The following PCSK7 variants were observed in gnomAD, a reference collection of about 807,000 sequenced individuals.
The protein encoded by PCSK7 is lymphoma proprotein convertase.
Under a neutral mutation model 73.3 loss-of-function variants are expected in PCSK7, and 38 were observed. That is an observed-to-expected ratio of 0.52 (90% confidence interval 0.40 to 0.68). The LOEUF (loss-of-function observed/expected upper bound fraction) is 0.68. Among genes scored for constraint, PCSK7 ranks in the 30% least tolerant of loss-of-function variants. The pLI, the probability that PCSK7 is intolerant of heterozygous loss-of-function variation, is 0.00. For synonymous variants in PCSK7, 296 were observed against 383.8 expected (o/e 0.77, Z 2.68); for missense variants, 692 against 991.5 (o/e 0.70, Z 4.06).
rs2031338210 is a variant in PCSK7, at chr11:117,205,831, T to C, written c.*166A>G. 1.7e-6 allele frequency: 1 copy of C among 589,670 alleles called. No homozygotes were observed. Among genetic ancestry groups the C allele is most frequent in the East Asian group, 3.1e-5 (1 of 32,044 alleles). The allele number at this position is 589,670 out of a possible 1,614,324, so 36.5% of individuals were successfully genotyped here. ...GACCCTGTGGCTCTGACCAGACTTC[T>C]CTGGCAGCAATCCTCCACCATTTGT... On this transcript the variant is annotated 3_prime_UTR_variant, in exon 17 of 17. Coordinates refer to ENST00000320934, the MANE Select transcript of PCSK7 (RefSeq NM_004716.4).
At position 117,224,129 on chromosome 11, in the gene PCSK7, C is replaced by T. The variant is rs199538186; in HGVS notation, c.1003G>A (p.Asp335Asn). 14 of 1,614,136 alleles carry T rather than the reference C, an allele frequency of 8.7e-6. No individual in the cohort carries two copies. The highest frequency in any genetic ancestry group is 1.2e-5 in the Non-Finnish European group (14 of 1,179,996). ...GCGTAGCCATCGTAGTTGCAGTTGT[C>T]GTTGTGTTGGCCTCCGTTGCCACTG... is the stretch of plus-strand genomic sequence containing the variant. ...VASGNGGQHNDNCNYDGYANS... is the reference protein window; with the variant it reads ...VASGNGGQHNNNCNYDGYANS... The change falls in exon 8 of 17, where the codon GAC (aspartate) becomes AAC (asparagine). Residue 335 changes from aspartate (D) to asparagine (N), a missense_variant. Asp to Asn is a conservative substitution (Grantham distance 23, BLOSUM62 1). Coordinates refer to ENST00000320934, the MANE Select transcript of PCSK7 (RefSeq NM_004716.4).
At chr11:117,227,644 T>C (rs1326152805) in intron 4 of PCSK7, among the ~76,000 whole-genome samples, 1 of 152,196 alleles carries the variant, frequency 6.6e-6, no homozygotes, top group Non-Finnish European at 1.5e-5. Flanking sequence ...GGTTTCACCA[T>C]CTTGGCCAGG....
Position 117,225,686 on chromosome 11 carries a change from A to G in PCSK7, c.860+245T>C, listed in dbSNP as rs537429982. ...TCTTGCAGAGGCCTTAGGAGTTTAG[A>G]AAACAAATAAATGTGCACAGGCCAG... On this transcript the variant is annotated intron_variant, in intron 6 of 16. Coordinates refer to ENST00000320934, the MANE Select transcript of PCSK7 (RefSeq NM_004716.4). The G allele has an allele frequency of 2.8e-4, 153 of 546,050 alleles. 2 individuals carry two copies. The highest frequency in any genetic ancestry group is 1.3e-3 in the South Asian group (55 of 41,718). The allele number at this position is 546,050 out of a possible 1,614,324, so 33.8% of individuals were successfully genotyped here. A position where few individuals can be genotyped will look rare whatever the true frequency, so the allele number is the denominator to read the frequency against.
chr11:117,215,394 A>AC (rs1230959036), intron 12 of PCSK7: 16 of 61,202 alleles, frequency 2.6e-4, no homozygotes, highest in African/African-American at 1.1e-3. Context: ...ATATATATAT[A>AC]TATATATATA....
chr11:117,222,974 T>A (rs998090990), intron 9 of PCSK7: 2 of 516,618 alleles, frequency 3.9e-6, no homozygotes, highest in African/African-American at 3.8e-5. Flanking sequence ...TCTAAAAATA[T>A]GTATATTCGT....
chr11:117,221,325 T>C (rs1190868264), intron 9 of PCSK7: 1 of 152,266 alleles, frequency 6.6e-6, no homozygotes, highest in Non-Finnish European at 1.5e-5. Flanking sequence ...GCCTGGTTTA[T>C]GCAAGGGAGC....
intron 2 of PCSK7, chr11:117,230,112 C>T (rs185463206): frequency 1.9e-5 from 8 of 419,430 alleles, no homozygotes; most frequent in Non-Finnish European, 3.0e-5. Context: ...CCTCACGACA[C>T]CAGCTAATCC....
At chr11:117,229,332 T>C in intron 3 of PCSK7, 45 bp downstream of exon 3, 2 of 1,446,168 alleles carry the variant, frequency 1.4e-6, no homozygotes, top group Non-Finnish European at 1.9e-6. Flanking sequence ...AGAACTGGAC[T>C]GGAACCTACC....
chr11:117,228,309 A>T lies in PCSK7; in HGVS notation c.510T>A (p.Gly170=). The T allele has an allele frequency of 3.1e-6, 5 of 1,613,820 alleles. No individual in the cohort carries two copies. The highest frequency in any genetic ancestry group is 4.2e-6 in the Non-Finnish European group (5 of 1,179,862). The stretch of plus-strand genomic sequence containing the variant: ...GCCCAGTCACATTGCGTTCCCACAC[A>T]CCCGTCACGTTGATGTCCCTGCCCG... ...RSPGRDINVT[G]VWERNVTGRG... Residue 170 remains glycine, a synonymous_variant, in exon 4 of 17, where the codon GGT becomes GGA. Coordinates refer to ENST00000320934, the MANE Select transcript of PCSK7 (RefSeq NM_004716.4).
chr11:117,225,432 T>C (rs1471831454), intron 6 of PCSK7: 2 of 161,448 alleles, frequency 1.2e-5, no homozygotes, highest in Non-Finnish European at 2.7e-5. Flanking sequence ...GTTGAGGAGT[T>C]CTCTATTCTG....
chr11:117,229,387 T>G lies in PCSK7; in HGVS notation c.458A>C (p.Gln153Pro). 6.2e-7 allele frequency: 1 copy of G among 1,605,172 alleles called. No individual in the cohort carries two copies. The highest frequency in any genetic ancestry group is 8.5e-7 in the Non-Finnish European group (1 of 1,179,394). ...CAGGACTGGACTCACCAGGTGCCAT[T>G]GCTGCGGGTACTTGGGGTCGTTGAA... ...VHFNDPKYPQ[Q>P]WHLNNRRSPG... is the part of the protein sequence containing the mutation. The change falls in exon 3 of 17, where the codon CAA becomes CCA. Residue 153 changes from glutamine to proline, a missense_variant. Gln to Pro is a moderately conservative substitution (Grantham distance 76, BLOSUM62 -1). This residue lies in a region of PCSK7 where 574 missense variants were observed against 689.8 expected (regional missense o/e 0.83). Coordinates refer to ENST00000320934, the MANE Select transcript of PCSK7 (RefSeq NM_004716.4).
intron 8 of PCSK7, chr11:117,223,711 G>A: frequency 2.8e-6 from 1 of 352,022 alleles, no homozygotes; most frequent in Non-Finnish European, 5.3e-6. Flanking sequence ...AGTCAGGTAA[G>A]TAAATAAACA....
chr11:117,210,393 T>G (rs2134288586), intron 12 of PCSK7: 1 of 149,014 alleles, frequency 6.7e-6, no homozygotes, highest in South Asian at 2.1e-4. Context: ...AGAGTCTCTC[T>G]CTGTTGCCAG....
chr11:117,206,983 G>C lies in PCSK7; in HGVS notation c.1880+84C>G, dbSNP rs2031450244. On this transcript the variant is annotated intron_variant, in intron 15 of 16. Coordinates refer to ENST00000320934, the MANE Select transcript of PCSK7 (RefSeq NM_004716.4). ...CTTGACGCTGGAACTGGGAAGCACA[G>C]CTGGGGTTCAGAGGGCGATGGGCTC... The C allele has an allele frequency of 6.8e-6, 10 of 1,474,292 alleles. No individual in the cohort carries two copies. The South Asian group carries it at 1.0e-4, about 15-fold the overall frequency. 91.3% of individuals were successfully genotyped at this position (1,474,292 alleles called of 1,614,324 possible).
At chr11:117,211,587 T>G (rs1309749201) in intron 12 of PCSK7, 1 of 152,240 alleles carries the variant, frequency 6.6e-6, no homozygotes, top group African/African-American at 2.4e-5. Flanking sequence ...CCAACATGTG[T>G]GTTTACATTC....
intron 4 of PCSK7, 35 bp from the exon 5 acceptor site, chr11:117,227,357 C>T: frequency 6.4e-7 from 1 of 1,554,776 alleles, no homozygotes; most frequent in Non-Finnish European, 8.9e-7. Context: ...TGGTCATTCA[C>T]TGGTTAGAGG....
At chr11:117,220,787 G>C (rs2032161397) in intron 9 of PCSK7, 3 of 152,320 alleles carry the variant, frequency 2.0e-5, no homozygotes, top group Admixed American at 2.0e-4. Flanking sequence ...CAGCAAGAGA[G>C]GACTGTGTCC....
intron 12 of PCSK7, chr11:117,215,709 T>C (rs1163339129): frequency 2.9e-5 from 4 of 137,268 alleles, no homozygotes; most frequent in South Asian, 2.4e-4. Context: ...CCAATTTTTG[T>C]ATCGTTTTTT....
In PCSK7 at chr11:117,205,279, T is replaced by TG. The variant is rs1263524298; in HGVS notation, c.*717dup. 1 of 233,618 alleles carries TG rather than the reference T, an allele frequency of 4.3e-6. No homozygotes were observed. 14.5% of individuals were successfully genotyped at this position (233,618 alleles called of 1,614,324 possible). On this transcript the variant is annotated 3_prime_UTR_variant, in exon 17 of 17. Transcript: ENST00000320934. ...CGGGAAGGCCATTTCCCTGAGCACT[T>TG]GCAGAGGAAGACAGGGTGGTGGCAG...
Sources: gnomAD v4.1 joint callset for allele counts (sites outside exome capture counted in the v4.1 genomes callset) on GRCh38, gnomAD v4.1.1 for gene constraint, gnomAD v4.1.1 regional missense constraint, MANE v1.5 for transcripts, NCBI Gene and HGNC (gene_info 2026-07-23, HGNC 2026-07-21) for gene names.